WWOX: variants seen among roughly 807,000 people sequenced by gnomAD.
The protein encoded by WWOX is WW domain-containing oxidoreductase.
Under a neutral mutation model 46.2 loss-of-function variants are expected in WWOX, and 69 were observed. The observed-to-expected ratio is 1.49, with a 90% CI of 1.23 to 1.82. The LOEUF is 1.82. Ranked by LOEUF, WWOX falls within the 40% of genes most tolerant of loss-of-function variation. The pLI, the probability that WWOX is intolerant of heterozygous loss-of-function variation, is 0.00. For synonymous variants in WWOX, 359 were observed against 202.6 expected (o/e 1.77, Z -6.56); for missense variants, 919 against 542.6 (o/e 1.69, Z -6.89).
chr16:78,456,855 G>A (rs1375858524), intron 8 of WWOX, among the ~76,000 whole-genome samples: 1 of 152,212 alleles, frequency 6.6e-6, no homozygotes, highest in African/African-American at 2.4e-5. Flanking sequence ...AATATGTAAT[G>A]AAATTTGCAA....
chr16:78,996,469 C>T (rs968514356), intron 8 of WWOX: 1 of 334,088 alleles, frequency 3.0e-6, no homozygotes, highest in Non-Finnish European at 4.2e-6. Flanking sequence ...CTGGGCCGGA[C>T]CCATGGGTAT....
chr16:78,813,846 C>T (rs1395475560), intron 8 of WWOX, among the ~76,000 whole-genome samples: 1 of 152,078 alleles, frequency 6.6e-6, no homozygotes, highest in African/African-American at 2.4e-5. Flanking sequence ...TTGCTAATTT[C>T]AGGCGGTCAG....
intron 8 of WWOX, among the ~76,000 whole-genome samples, chr16:78,706,068 T>TTG (rs1555520305): frequency 1.3e-5 from 2 of 150,516 alleles, no homozygotes; most frequent in African/African-American, 2.4e-5. Context: ...GTTTTTTTTT[T>TTG]TTTTTTTTTT....
intron 6 of WWOX, among the ~76,000 whole-genome samples, chr16:78,400,184 G>C (rs2082378649): frequency 6.6e-6 from 1 of 152,152 alleles, no homozygotes; most frequent in Non-Finnish European, 1.5e-5. Flanking sequence ...TCATCAAAAA[G>C]ATATTTGAGC....
intron 5 of WWOX, among the ~76,000 whole-genome samples, chr16:78,283,155 G>A (rs1293010454): frequency 6.6e-6 from 1 of 152,134 alleles, no homozygotes; most frequent in Non-Finnish European, 1.5e-5. Context: ...GGGTTCACCA[G>A]CCCGGCAGGA....
At chr16:78,625,121 C>T (rs1160109054) in intron 8 of WWOX, among the ~76,000 whole-genome samples, 1 of 152,196 alleles carries the variant, frequency 6.6e-6, no homozygotes, top group Admixed American at 6.5e-5. Context: ...GGCTGCCATT[C>T]CTAAGCTACT....
intron 6 of WWOX, 69 bp from the exon 7 acceptor site, chr16:78,424,801 C>A (rs150811493): frequency 2.5e-6 from 4 of 1,577,756 alleles, no homozygotes; most frequent in Non-Finnish European, 2.6e-6. Flanking sequence ...CGTGGATTCC[C>A]GAAGGAGCAT....
At chr16:78,428,565 A>G (rs1173046271) in intron 7 of WWOX, among the ~76,000 whole-genome samples, 1 of 152,204 alleles carries the variant, frequency 6.6e-6, no homozygotes, top group Non-Finnish European at 1.5e-5. Flanking sequence ...CTAATTTGTC[A>G]TCATGGGATT....
At chr16:78,625,860 CATTACTTAAAAGTT>C (rs2046299752) in intron 8 of WWOX, among the ~76,000 whole-genome samples, 2 of 148,164 alleles carry the variant, frequency 1.3e-5, no homozygotes, top group Non-Finnish European at 1.5e-5. Context: ...CTTAAAATTG[CATTACTTAAAAGTT>C]TTTAAGTAAT....
At chr16:78,423,954 A>G (rs1370580651) in intron 6 of WWOX, among the ~76,000 whole-genome samples, 4 of 151,926 alleles carry the variant, frequency 2.6e-5, no homozygotes, top group East Asian at 1.9e-4. Flanking sequence ...TCTGATCTCT[A>G]TAAGAAATTC....
chr16:78,434,796 G>A (rs188903009), intron 8 of WWOX, among the ~76,000 whole-genome samples: 1 of 152,268 alleles, frequency 6.6e-6, no homozygotes, highest in East Asian at 1.9e-4. Context: ...CCTGCCATTT[G>A]TTGTAGACTC....
At chr16:78,421,477 C>A (rs1167996163) in intron 6 of WWOX, among the ~76,000 whole-genome samples, 1 of 152,170 alleles carries the variant, frequency 6.6e-6, no homozygotes, top group Non-Finnish European at 1.5e-5. Context: ...CCAAGATGAT[C>A]TCATTTTAAG....
chr16:78,592,104 C>A (rs761356603), intron 8 of WWOX, among the ~76,000 whole-genome samples: 3 of 152,076 alleles, frequency 2.0e-5, no homozygotes, highest in Non-Finnish European at 4.4e-5. Flanking sequence ...CAGTCAATAT[C>A]CATTTCGTAT....
chr16:78,125,005 C>A (rs1168094455), intron 4 of WWOX, among the ~76,000 whole-genome samples: 2 of 152,118 alleles, frequency 1.3e-5, no homozygotes, highest in East Asian at 1.9e-4. Context: ...TAAAGAGGAA[C>A]AAAATCAGAA....
At chr16:78,823,024 T>C (rs1480926813) in intron 8 of WWOX, among the ~76,000 whole-genome samples, 1 of 152,236 alleles carries the variant, frequency 6.6e-6, no homozygotes, top group East Asian at 1.9e-4. Flanking sequence ...GGATTCATAT[T>C]CAACTTGGAA....
At chr16:78,214,066 T>C (rs1269586317) in intron 5 of WWOX, among the ~76,000 whole-genome samples, 2 of 152,128 alleles carry the variant, frequency 1.3e-5, no homozygotes, top group African/African-American at 4.8e-5. Flanking sequence ...CCATCAGACT[T>C]ACCTTGCCTC....
chr16:78,845,864 C>T (rs1056546973), intron 8 of WWOX, among the ~76,000 whole-genome samples: 2 of 152,154 alleles, frequency 1.3e-5, no homozygotes, highest in East Asian at 1.9e-4. Flanking sequence ...ATATTCTGCA[C>T]GTCCATTTTA....
At position 78,340,024 on chromosome 16, in the gene WWOX, G is replaced by C. The variant is rs1217013781; in HGVS notation, c.517-46836G>C. Among the ~76,000 whole-genome samples the C allele has an allele frequency of 1.2e-3, 56 of 46,562 alleles. 22 individuals are homozygous for C. Among genetic ancestry groups the C allele is most frequent in the Non-Finnish European group, 2.4e-3 (45 of 18,592 alleles). 30.5% of individuals were successfully genotyped at this position (46,562 alleles called of 152,430 possible). A position where few individuals can be genotyped will look rare whatever the true frequency, so the allele number is the denominator to read the frequency against. ...GTCTTTCCATGGATTTGGTGGGGGG[G>C]GGGGGGACGTTTCTATTTCCTTTAT... On this transcript the variant is annotated intron_variant, in intron 5 of 8. Coordinates refer to ENST00000566780, the MANE Select transcript of WWOX (RefSeq NM_016373.4).
At chr16:78,472,716 G>C (rs1379178760) in intron 8 of WWOX, among the ~76,000 whole-genome samples, 1 of 150,136 alleles carries the variant, frequency 6.7e-6, no homozygotes, top group Non-Finnish European at 1.5e-5. Flanking sequence ...GGCTGAGGCA[G>C]GAGAATCGCT....
Sources: gnomAD v4.1 joint callset for allele counts (sites outside exome capture counted in the v4.1 genomes callset) on GRCh38, gnomAD v4.1.1 for gene constraint, MANE v1.5 for transcripts, NCBI Gene and HGNC (gene_info 2026-07-23, HGNC 2026-07-21) for gene names.